The following PDE11A variants were observed in gnomAD, a reference collection of about 807,000 sequenced individuals.
PDE11A encodes the protein dual 3',5'-cyclic-AMP and -GMP phosphodiesterase 11A.
A neutral mutation model predicts 100.5 loss-of-function variants in PDE11A; 100 were observed. The observed-to-expected ratio is 1.00, with a 90% CI of 0.85 to 1.18. The LOEUF is 1.18. PDE11A is among the 50% of genes most tolerant of loss of function. The pLI is 0.00. For missense variants in PDE11A, 1,141 were observed against 1,152.6 expected (o/e 0.99, Z 0.15); for synonymous variants, 381 against 420.8 (o/e 0.91, Z 1.16).
intron 10 of PDE11A, among the ~76,000 whole-genome samples, chr2:177,749,707 T>C (rs2082001890): frequency 6.6e-6 from 1 of 152,202 alleles, no homozygotes; most frequent in South Asian, 2.1e-4. Context: ...CTAATGATAG[T>C]AATAATGGTA....
intron 2 of PDE11A, among the ~76,000 whole-genome samples, chr2:177,949,362 G>C (rs2085479678): frequency 6.6e-6 from 1 of 152,162 alleles, no homozygotes; most frequent in Admixed American, 6.5e-5. Context: ...GAAAGTTAAA[G>C]TCACCCACAC....
At chr2:177,836,312 A>G (rs1003655274) in intron 6 of PDE11A, among the ~76,000 whole-genome samples, 21 of 152,136 alleles carry the variant, frequency 1.4e-4, no homozygotes, top group Admixed American at 1.1e-3. Flanking sequence ...TAAATACACC[A>G]ATCAGCACTC....
chr2:178,074,856 G>A (rs552777168), upstream of PDE11A, among the ~76,000 whole-genome samples: 14 of 152,278 alleles, frequency 9.2e-5, no homozygotes, highest in East Asian at 2.7e-3. Context: ...CACTAAAGGA[G>A]TTAATGGTTG....
chr2:177,758,521 G>A lies in PDE11A; in HGVS notation c.1788+10802C>T, dbSNP rs74609193. 6.1e-3 allele frequency among the ~76,000 whole-genome samples: 931 copies of A among 152,308 alleles called. 6 individuals carry two copies. Among genetic ancestry groups the A allele is most frequent in the Non-Finnish European group, 9.2e-3 (623 of 68,038 alleles). ...CATGCAGTATTCTGGGGAAAAGGAA[G>A]AGAAGGAGTGCCTGATGGCTCTATC... On this transcript the variant is annotated intron_variant, in intron 10 of 19. Coordinates refer to ENST00000286063, the MANE Select transcript of PDE11A (RefSeq NM_016953.4).
At chr2:178,101,617 A>G (rs1022644414) in intron 2 of PDE11A, among the ~76,000 whole-genome samples, 5 of 152,206 alleles carry the variant, frequency 3.3e-5, no homozygotes, top group African/African-American at 4.8e-5. Context: ...GTCAGCACCC[A>G]TTCTGAAACT....
At chr2:177,839,179 T>A (rs1310358830) in intron 6 of PDE11A, among the ~76,000 whole-genome samples, 1 of 152,182 alleles carries the variant, frequency 6.6e-6, no homozygotes, top group African/African-American at 2.4e-5. Flanking sequence ...GCCATCACCA[T>A]GTCCTGGCCA....
chr2:177,782,557 A>G lies in PDE11A; in HGVS notation c.1738-13184T>C, dbSNP rs111290866. Reference sequence around the variant, plus strand: ...AAAGCCTTTTTCAAAATGTCTACATATTCTTGGCAGGTTTATATTCTCATC... The same window carrying G: ...AAAGCCTTTTTCAAAATGTCTACATGTTCTTGGCAGGTTTATATTCTCATC... On this transcript the variant is annotated intron_variant, in intron 9 of 19. Coordinates refer to ENST00000286063, the MANE Select transcript of PDE11A (RefSeq NM_016953.4). Among the ~76,000 whole-genome samples, 147 of 152,314 alleles carry G rather than the reference A, an allele frequency of 9.7e-4. 1 individual carries two copies. Among genetic ancestry groups the G allele is most frequent in the Admixed American group, 4.1e-3 (62 of 15,300 alleles).
chr2:178,002,612 T>C (rs953581809), intron 2 of PDE11A, among the ~76,000 whole-genome samples: 1 of 152,148 alleles, frequency 6.6e-6, no homozygotes, highest in Non-Finnish European at 1.5e-5. Flanking sequence ...AGAAGTCGTG[T>C]GGTCGAATTG....
chr2:178,029,129 G>A (rs1010295024), intron 1 of PDE11A, among the ~76,000 whole-genome samples: 3 of 152,106 alleles, frequency 2.0e-5, no homozygotes, highest in East Asian at 3.8e-4. Context: ...GCATGCTCAC[G>A]TACATCTGAT....
rs576160144 is a variant in PDE11A, at chr2:177,623,252, A to G, written c.*6155T>C. The G allele has an allele frequency of 6.6e-6, 1 of 152,342 alleles. No individual in the cohort carries two copies. The highest frequency in any genetic ancestry group is 2.4e-5 in the African/African-American group (1 of 41,580). 9.4% of individuals were successfully genotyped at this position (152,342 alleles called of 1,614,324 possible). A position where few individuals can be genotyped will look rare whatever the true frequency, so the allele number is the denominator to read the frequency against. On this transcript the variant is annotated 3_prime_UTR_variant, in exon 20 of 20. Transcript: ENST00000286063. ...AAAGATTATTCCAGAGCTTTAGTTA[A>G]ACTCTAAGTATTTTATTAAAAACAA...
intron 4 of PDE11A, among the ~76,000 whole-genome samples, chr2:177,891,084 CT>C (rs1307031515): frequency 3.3e-5 from 5 of 152,162 alleles, no homozygotes; most frequent in African/African-American, 7.2e-5. Flanking sequence ...TCATTTTGGT[CT>C]CATCTCCATC....
At chr2:177,693,201 C>T (rs898012333) in intron 15 of PDE11A, among the ~76,000 whole-genome samples, 3 of 152,176 alleles carry the variant, frequency 2.0e-5, no homozygotes, top group Non-Finnish European at 4.4e-5. Flanking sequence ...AGCGGTCCTG[C>T]GGATCACATA....
intron 10 of PDE11A, among the ~76,000 whole-genome samples, chr2:177,736,069 C>T (rs1441393727): frequency 6.6e-6 from 1 of 152,310 alleles, no homozygotes; most frequent in African/African-American, 2.4e-5. Flanking sequence ...GACCAAGCAA[C>T]CCTTTGTGTC....
chr2:177,651,574 G>A (rs1277084502), intron 19 of PDE11A, among the ~76,000 whole-genome samples: 2 of 152,016 alleles, frequency 1.3e-5, no homozygotes, highest in Non-Finnish European at 2.9e-5. Context: ...AAAGAGGACA[G>A]TTAGAAAAAC....
At chr2:177,867,725 C>CA (rs913401489) in intron 5 of PDE11A, among the ~76,000 whole-genome samples, 21 of 151,316 alleles carry the variant, frequency 1.4e-4, no homozygotes, top group African/African-American at 5.1e-4. Flanking sequence ...GACTCCGTCT[C>CA]AAAAAAAAGA....
chr2:177,688,290 G>A (rs2080987232), intron 15 of PDE11A: 1 of 152,226 alleles, frequency 6.6e-6, no homozygotes, highest in Non-Finnish European at 1.5e-5. Context: ...GTGGTTCACA[G>A]CTCCAGGTGA....
intron 3 of PDE11A, chr2:177,899,397 A>G: frequency 5.3e-6 from 1 of 187,924 alleles, no homozygotes; most frequent in Non-Finnish European, 1.2e-5. Flanking sequence ...ACAGAGTGAG[A>G]CTCTTTCTAA....
rs114506964 is a variant in PDE11A at position 177,877,858 on chromosome 2, T to C, written c.1303-1935A>G. On this transcript the variant is annotated intron_variant, in intron 4 of 19. Transcript: ENST00000286063. ...CTATAGTGAAAGGAGTCCATCTGAA[T>C]GTCATAGAATGCTTCCAAGGTTGAC... is the stretch of plus-strand genomic sequence containing the variant. Among the ~76,000 whole-genome samples, 123 of 152,332 alleles carry C rather than the reference T, an allele frequency of 8.1e-4. 1 individual carries two copies. Among genetic ancestry groups the C allele is most frequent in the African/African-American group, 2.9e-3 (122 of 41,574 alleles).
At chr2:178,038,077 T>C (rs2086639712) in intron 1 of PDE11A, among the ~76,000 whole-genome samples, 1 of 152,168 alleles carries the variant, frequency 6.6e-6, no homozygotes, top group Non-Finnish European at 1.5e-5. Context: ...TAGATACCCT[T>C]TAATGTAAAT....
Sources: allele counts gnomAD v4.1 joint callset (sites outside exome capture counted in the v4.1 genomes callset), GRCh38; gene constraint gnomAD v4.1.1; transcripts MANE v1.5; gene names NCBI Gene and HGNC (gene_info 2026-07-23, HGNC 2026-07-21).